KDR: variants seen among roughly 807,000 people sequenced by gnomAD.
The protein encoded by KDR is vascular endothelial growth factor receptor 2.
Under a neutral mutation model 160.9 loss-of-function variants are expected in KDR, and 43 were observed. That is an observed-to-expected ratio of 0.27 (90% CI 0.21 to 0.34). KDR has a LOEUF of 0.34. KDR is among the 10% of genes least tolerant of loss of function. The pLI is 1.00. For synonymous variants in KDR, 617 were observed against 600.1 expected (o/e 1.03, Z -0.41); for missense variants, 1,469 against 1,666.4 (o/e 0.88, Z 2.06).
intron 2 of KDR, among the ~76,000 whole-genome samples, chr4:55,120,340 C>T (rs1560525098): frequency 6.6e-6 from 1 of 152,154 alleles, no homozygotes; most frequent in African/African-American, 2.4e-5. Flanking sequence ...CCTAAGAAGG[C>T]TCCATGCCTT....
At chr4:55,111,475 C>G (rs967320790) in intron 7 of KDR, among the ~76,000 whole-genome samples, 1 of 152,156 alleles carries the variant, frequency 6.6e-6, no homozygotes, top group East Asian at 1.9e-4. Flanking sequence ...ACCCTGTTGA[C>G]TCTACCTTCA....
chr4:55,108,152 G>A lies in KDR; in HGVS notation c.1256-259C>T, dbSNP rs547022473. ...AAGGTAGGTGGATCGCTTAAGCCCAGGAGATCAAGACCAGCCTGGGCCACA... is the reference window on the plus strand; with the variant it reads ...AAGGTAGGTGGATCGCTTAAGCCCAAGAGATCAAGACCAGCCTGGGCCACA... On this transcript the variant is annotated intron_variant, in intron 9 of 29. Transcript: ENST00000263923. Among the ~76,000 whole-genome samples the A allele has an allele frequency of 2.7e-5, 4 of 149,122 alleles. No individual in the cohort carries two copies. In the South Asian group the frequency reaches 8.5e-4, roughly 32 times the overall value.
rs748810441 is a variant in KDR, at chr4:55,087,685, G to C, written c.3584C>G (p.Pro1195Arg). 4 of 1,613,940 alleles carry C rather than the reference G, an allele frequency of 2.5e-6. No individual in the cohort carries two copies. The highest frequency in any genetic ancestry group is 3.4e-6 in the Non-Finnish European group (4 of 1,179,762). The change falls in exon 27 of 30, where the codon CCT becomes CGT. Residue 1195 changes from proline to arginine, a missense_variant. Around this residue, in one of 7 missense-constraint regions of KDR, gnomAD observed 229 missense variants for 197.8 expected, o/e 1.16. Coordinates refer to ENST00000263923, the MANE Select transcript of KDR (RefSeq NM_002253.4). ...SMEEDSGLSLPTSPVSCMEEE... is the reference protein window; with the variant it reads ...SMEEDSGLSLRTSPVSCMEEE... ...CTCCATACAGGAAACAGGTGAGGTA[G>C]GCAGAGAGAGTCCAGAATCCTCTTC...
chr4:55,123,440 A>T (rs1329391813), intron 1 of KDR, among the ~76,000 whole-genome samples: 1 of 152,218 alleles, frequency 6.6e-6, no homozygotes, highest in Admixed American at 6.5e-5. Flanking sequence ...CATTCTAGAC[A>T]CACTTTCCTG....
chr4:55,090,160 A>T, intron 22 of KDR, 82 bp from the exon 23 acceptor site: 1 of 1,543,780 alleles, frequency 6.5e-7, no homozygotes, highest in Non-Finnish European at 8.9e-7. Flanking sequence ...CATCAAAAAA[A>T]AATCCCACAT....
intron 20 of KDR, 49 bp from the exon 21 acceptor site, chr4:55,095,004 C>T (rs1172259915): frequency 1.3e-6 from 2 of 1,569,936 alleles, no homozygotes; most frequent in Non-Finnish European, 1.8e-6. Context: ...CAAAATGAGT[C>T]TTTAAAAGTT....
At chr4:55,096,174 A>G in intron 19 of KDR, 55 bp downstream of exon 19, 1 of 941,536 alleles carries the variant, frequency 1.1e-6, no homozygotes. Context: ...TCCCTCAAAC[A>G]CTATCAGAGA....
intron 2 of KDR, 31 bp from the exon 3 acceptor site, chr4:55,118,831 A>G (rs753727650): frequency 2.6e-6 from 4 of 1,561,962 alleles, no homozygotes; most frequent in Non-Finnish European, 3.5e-6. Context: ...AGGTATTAAT[A>G]TGAAGTGCCA....
In KDR at chr4:55,115,592, ATGTGTG is replaced by A. The variant is rs58765151; in HGVS notation, c.359-187_359-182del. Among the ~76,000 whole-genome samples, 115 of 151,090 alleles carry A rather than the reference ATGTGTG, an allele frequency of 7.6e-4. 1 individual carries two copies. Among genetic ancestry groups the A allele is most frequent in the Middle Eastern group, 6.8e-3 (2 of 292 alleles). ...CTGTGCTACATGAGGGTGTGTGTGTATGTGTGTGTGTGTGTTTGTGCATGCACATGC... is the reference window on the plus strand; with the variant it reads ...CTGTGCTACATGAGGGTGTGTGTGTATGTGTGTGTTTGTGCATGCACATGC... On this transcript the variant is annotated intron_variant, in intron 3 of 29. Coordinates refer to ENST00000263923, the MANE Select transcript of KDR (RefSeq NM_002253.4).
At chr4:55,094,519 G>A (rs187273118) in intron 21 of KDR, among the ~76,000 whole-genome samples, 56 of 152,304 alleles carry the variant, frequency 3.7e-4, no homozygotes, top group Admixed American at 1.7e-3. Flanking sequence ...AATAAATGCT[G>A]AACCAGTATT....
intron 16 of KDR, 144 bp downstream of exon 16, chr4:55,098,553 G>A: frequency 2.7e-6 from 2 of 750,612 alleles, no homozygotes; most frequent in Non-Finnish European, 4.7e-6. Context: ...CCAAAAGAAA[G>A]TGGGCAGGAA....
At chr4:55,086,134 T>C (rs1030484219) in intron 27 of KDR, among the ~76,000 whole-genome samples, 3 of 152,176 alleles carry the variant, frequency 2.0e-5, no homozygotes, top group Non-Finnish European at 2.9e-5. Flanking sequence ...CATTACTGTT[T>C]CTCTCTGAGG....
Position 55,095,624 on chromosome 4 carries a change from G to A in KDR, c.2770C>T (p.Leu924=). Residue 924 remains leucine (L), a synonymous_variant, in exon 20 of 30, where the codon CTG becomes TTG. Transcript: ENST00000263923. ...VIVEFCKFGN[L]STYLRSKRNE... is the part of the protein sequence containing the mutation. ...CTCTTGCTCCTCAGGTAAGTGGACA[G>A]GTTTCCAAATTTGCAGAATTCCACA... is the stretch of plus-strand genomic sequence containing the variant. 6.2e-7 allele frequency: 1 copy of A among 1,613,826 alleles called. No homozygotes were observed. Among genetic ancestry groups the A allele is most frequent in the Non-Finnish European group, 8.5e-7 (1 of 1,179,774 alleles).
intron 3 of KDR, 53 bp downstream of exon 3, chr4:55,118,551 T>A: frequency 2.1e-6 from 3 of 1,405,514 alleles, no homozygotes; most frequent in Non-Finnish European, 3.0e-6. Context: ...GAGCCTATTG[T>A]CTTTTATAAC....
At chr4:55,124,100 A>G (rs1720966737) in intron 1 of KDR, among the ~76,000 whole-genome samples, 1 of 152,244 alleles carries the variant, frequency 6.6e-6, no homozygotes, top group Non-Finnish European at 1.5e-5. Context: ...AGTCATTATA[A>G]AGAAAATTCA....
chr4:55,087,519 G>T, intron 27 of KDR, 88 bp downstream of exon 27: 1 of 1,217,254 alleles, frequency 8.2e-7, no homozygotes, highest in Non-Finnish European at 1.2e-6. Flanking sequence ...AACAGCCTTA[G>T]ACAAGGTCTT....
intron 20 of KDR, 69 bp downstream of exon 20, chr4:55,095,508 T>G: frequency 8.5e-7 from 1 of 1,170,998 alleles, no homozygotes; most frequent in Non-Finnish European, 1.3e-6. Flanking sequence ...ACTAAAAAAC[T>G]AACCTGTACC....
rs756543060 is a variant in KDR, at chr4:55,089,642, T to G, written c.3304+49A>C. 4 of 1,545,226 alleles carry G rather than the reference T, an allele frequency of 2.6e-6. No individual in the cohort carries two copies. In the Admixed American group the frequency reaches 5.0e-5, roughly 19 times the overall value. On this transcript the variant is annotated intron_variant, in intron 24 of 29. Transcript: ENST00000263923. ...GTACAGGAGAGGAAAAGACAACTTTTGTCTTCCTCTTTGGAGTCTGGATGG... is the reference window on the plus strand; with the variant it reads ...GTACAGGAGAGGAAAAGACAACTTTGGTCTTCCTCTTTGGAGTCTGGATGG...
intron 27 of KDR, among the ~76,000 whole-genome samples, chr4:55,084,573 A>T (rs993781900): frequency 2.0e-5 from 3 of 152,336 alleles, no homozygotes; most frequent in East Asian, 3.9e-4. Flanking sequence ...ACGGAGAAAC[A>T]GGTCTTTTAA....
Sources: allele counts gnomAD v4.1 joint callset (sites outside exome capture counted in the v4.1 genomes callset), GRCh38; gene constraint gnomAD v4.1.1; regional missense constraint gnomAD v4.1.1; transcripts MANE v1.5; gene names NCBI Gene and HGNC (gene_info 2026-07-23, HGNC 2026-07-21).